GALNTL6: variants seen among roughly 807,000 people sequenced by gnomAD.
GALNTL6 encodes polypeptide N-acetylgalactosaminyltransferase-like 6.
Under a neutral mutation model 73.7 loss-of-function variants are expected in GALNTL6, and 46 were observed. The ratio of observed to expected loss-of-function variants is 0.62; its 90% confidence interval spans 0.49 to 0.80. GALNTL6 has a LOEUF of 0.80. Among genes scored for constraint, GALNTL6 ranks in the 30% least tolerant of loss-of-function variants. The pLI is 0.00. For missense variants in GALNTL6, 604 were observed against 755.0 expected, an observed-to-expected ratio of 0.80 and a Z score of 2.34; for synonymous variants, 259 against 263.7, an observed-to-expected ratio of 0.98 and a Z score of 0.17.
Position 172,229,727 on chromosome 4 carries a change from T to C in GALNTL6, c.210T>C (p.His70=). 1 of 1,613,822 alleles carries C rather than the reference T, an allele frequency of 6.2e-7. No homozygotes were observed. The highest frequency in any genetic ancestry group is 2.2e-5 in the East Asian group (1 of 44,860). The change falls in exon 3 of 13, where the codon CAT becomes CAC. Residue 70 remains histidine, a synonymous_variant. Coordinates refer to ENST00000506823, the MANE Select transcript of GALNTL6 (RefSeq NM_001034845.3). ...WTDGLRRKDW[H]DYESIQKEAM... ...ATGGTTTGAGAAGAAAGGACTGGCA[T>C]GACTATGAAAGCATTCAGAAAGAGG...
At chr4:172,361,185 ATT>A (rs943975114) in intron 5 of GALNTL6, among the ~76,000 whole-genome samples, 17 of 152,248 alleles carry the variant, frequency 1.1e-4, no homozygotes, top group African/African-American at 3.8e-4. Context: ...AAGGTAATCT[ATT>A]TTGTTAGTTT....
chr4:171,840,301 G>A (rs1451378278), intron 2 of GALNTL6, among the ~76,000 whole-genome samples: 1 of 152,190 alleles, frequency 6.6e-6, no homozygotes, highest in Non-Finnish European at 1.5e-5. Flanking sequence ...GAAAAGCAGT[G>A]TGTCTTAGAA....
chr4:172,038,144 A>G (rs1237842036), intron 2 of GALNTL6, among the ~76,000 whole-genome samples: 1 of 151,616 alleles, frequency 6.6e-6, no homozygotes, highest in African/African-American at 2.4e-5. Flanking sequence ...AAATTTAGAG[A>G]TAATTTTCTC....
chr4:172,616,697 C>T (rs1446704056), intron 5 of GALNTL6, among the ~76,000 whole-genome samples: 3 of 152,062 alleles, frequency 2.0e-5, no homozygotes, highest in Non-Finnish European at 4.4e-5. Context: ...GAAATTATGA[C>T]ATCCATGTGC....
chr4:172,249,438 T>G (rs1279883352), intron 3 of GALNTL6, among the ~76,000 whole-genome samples: 1 of 152,208 alleles, frequency 6.6e-6, no homozygotes, highest in Non-Finnish European at 1.5e-5. Context: ...TCTGGAGAGA[T>G]ATTCAAGCCT....
chr4:172,180,628 A>C (rs531695290), intron 2 of GALNTL6, among the ~76,000 whole-genome samples: 1 of 152,266 alleles, frequency 6.6e-6, no homozygotes, highest in South Asian at 2.1e-4. Context: ...TTTTTGTAGA[A>C]AGTGTAAGGA....
At position 172,202,319 on chromosome 4, in the gene GALNTL6, T is replaced by C. The variant is rs563853408; in HGVS notation, c.139-27337T>C. Among the ~76,000 whole-genome samples the C allele has an allele frequency of 2.0e-5, 3 of 152,228 alleles. No homozygotes were observed. In the East Asian group the frequency reaches 5.8e-4, roughly 29 times the overall value. The stretch of plus-strand genomic sequence containing the variant: ...TTCTAATAGAAAAAGCTGAAACTAG[T>C]GTGATGAGCAGTAATGTCTTTAAAA... On this transcript the variant is annotated intron_variant, in intron 2 of 12. Coordinates refer to ENST00000506823, the MANE Select transcript of GALNTL6 (RefSeq NM_001034845.3).
chr4:172,917,599 G>A (rs1160438251), intron 8 of GALNTL6, among the ~76,000 whole-genome samples: 2 of 152,186 alleles, frequency 1.3e-5, no homozygotes, highest in Non-Finnish European at 2.9e-5. Context: ...GACATGAACA[G>A]ACACTTCTCA....
intron 7 of GALNTL6, among the ~76,000 whole-genome samples, chr4:172,878,449 G>A (rs528644054): frequency 4.6e-5 from 7 of 151,718 alleles, no homozygotes; most frequent in Non-Finnish European, 5.9e-5. Flanking sequence ...GATTTAAAAC[G>A]TGTAAAAGTA....
At chr4:172,109,421 T>C (rs1005384698) in intron 2 of GALNTL6, among the ~76,000 whole-genome samples, 2 of 152,222 alleles carry the variant, frequency 1.3e-5, no homozygotes, top group African/African-American at 4.8e-5. Context: ...GAAGAAAATA[T>C]GATGAAGCCT....
chr4:172,155,157 C>T (rs1205968175), intron 2 of GALNTL6, among the ~76,000 whole-genome samples: 1 of 150,728 alleles, frequency 6.6e-6, no homozygotes, highest in Non-Finnish European at 1.5e-5. Context: ...GCCACCACGC[C>T]CAGCTAAGTT....
chr4:172,348,781 T>A, intron 5 of GALNTL6, 92 bp downstream of exon 5: 9 of 742,444 alleles, frequency 1.2e-5, no homozygotes, highest in South Asian at 5.8e-5. Flanking sequence ...AGCTTCTTTC[T>A]GATTCCATCT....
chr4:172,654,601 A>G (rs1323749128), intron 5 of GALNTL6, among the ~76,000 whole-genome samples: 6 of 152,302 alleles, frequency 3.9e-5, no homozygotes, highest in East Asian at 1.9e-4. Context: ...TTCCTCGGGC[A>G]ATCTGGAAAT....
intron 2 of GALNTL6, among the ~76,000 whole-genome samples, chr4:171,838,354 C>T (rs889624837): frequency 6.6e-6 from 1 of 152,058 alleles, no homozygotes; most frequent in Non-Finnish European, 1.5e-5. Context: ...AACTCCGGAC[C>T]TCAGGTGATC....
At chr4:172,949,787 T>C (rs1749352586) in intron 9 of GALNTL6, among the ~76,000 whole-genome samples, 1 of 151,676 alleles carries the variant, frequency 6.6e-6, no homozygotes, top group African/African-American at 2.4e-5. Flanking sequence ...CACGTGCCTG[T>C]AGTCCCAGCT....
intron 4 of GALNTL6, among the ~76,000 whole-genome samples, chr4:172,324,061 T>C (rs1054511492): frequency 3.3e-5 from 5 of 152,016 alleles, no homozygotes; most frequent in Admixed American, 2.6e-4. Flanking sequence ...TATAACTTGC[T>C]GCCTGTTTAT....
chr4:172,010,120 G>T (rs1377675866), intron 2 of GALNTL6, among the ~76,000 whole-genome samples: 1 of 152,034 alleles, frequency 6.6e-6, no homozygotes, highest in Non-Finnish European at 1.5e-5. Context: ...TTACTAAATG[G>T]CAATTTTATT....
At chr4:171,841,455 G>C (rs991682155) in intron 2 of GALNTL6, among the ~76,000 whole-genome samples, 1 of 152,022 alleles carries the variant, frequency 6.6e-6, no homozygotes, top group Non-Finnish European at 1.5e-5. Context: ...TATAGCTTAA[G>C]TGAATATTTT....
intron 2 of GALNTL6, among the ~76,000 whole-genome samples, chr4:172,043,628 A>G (rs1742146173): frequency 6.6e-6 from 1 of 152,110 alleles, no homozygotes; most frequent in South Asian, 2.1e-4. Flanking sequence ...TAAATAGAAC[A>G]GTTACTAGTT....
Sources: gnomAD v4.1 joint callset for allele counts (sites outside exome capture counted in the v4.1 genomes callset) on GRCh38, gnomAD v4.1.1 for gene constraint, MANE v1.5 for transcripts, NCBI Gene and HGNC (gene_info 2026-07-23, HGNC 2026-07-21) for gene names.